Variants in KCND2 observed in about 807,000 individuals in gnomAD.
KCND2 encodes the protein potassium voltage-gated channel subfamily D member 2.
A neutral mutation model predicts 54.4 loss-of-function variants in KCND2; 16 were observed. The ratio of observed to expected loss-of-function variants is 0.29; its 90% CI spans 0.20 to 0.45. The LOEUF (loss-of-function observed/expected upper bound fraction) is 0.45. Among genes scored for constraint, KCND2 ranks in the 20% least tolerant of loss-of-function variants. The pLI is 1.00. For missense variants in KCND2, 486 were observed against 824.2 expected, an observed-to-expected ratio of 0.59 and a Z score of 5.02; for synonymous variants, 317 against 310.7, an observed-to-expected ratio of 1.02 and a Z score of -0.21.
intron 1 of KCND2, among the ~76,000 whole-genome samples, chr7:120,363,579 G>A (rs938157227): frequency 1.3e-5 from 2 of 152,006 alleles, no homozygotes; most frequent in East Asian, 1.9e-4. Context: ...CAGCTATTTT[G>A]ATCTCTCATC....
chr7:120,627,991 G>C (rs943433190), intron 1 of KCND2, among the ~76,000 whole-genome samples: 1 of 152,014 alleles, frequency 6.6e-6, no homozygotes, highest in African/African-American at 2.4e-5. Context: ...ACAATAATTA[G>C]TAATTTTTTA....
At chr7:120,729,455 G>C (rs1307869223) in intron 1 of KCND2, among the ~76,000 whole-genome samples, 1 of 152,208 alleles carries the variant, frequency 6.6e-6, no homozygotes, top group African/African-American at 2.4e-5. Flanking sequence ...GGCAGCTGGT[G>C]TTCCATGGGA....
At chr7:120,669,857 T>C (rs761538738) in intron 1 of KCND2, among the ~76,000 whole-genome samples, 16 of 152,060 alleles carry the variant, frequency 1.1e-4, no homozygotes, top group Non-Finnish European at 1.6e-4. Flanking sequence ...ACACATGTAA[T>C]AGCAAAAACA....
intron 1 of KCND2, among the ~76,000 whole-genome samples, chr7:120,707,238 A>G (rs1236676108): frequency 6.6e-6 from 1 of 152,168 alleles, no homozygotes; most frequent in African/African-American, 2.4e-5. Flanking sequence ...AGAAATCTAG[A>G]TACTTCCAAT....
At position 120,319,886 on chromosome 7, in the gene KCND2, G is replaced by A. The variant is rs910238402; in HGVS notation, c.1115+44139G>A. ...TAATTAGTATCATGCTGCTTTTAAA[G>A]CCATGCAGTTTTTTGTTTTTTGTTC... is the stretch of plus-strand genomic sequence containing the variant. On this transcript the variant is annotated intron_variant, in intron 1 of 5. Transcript: ENST00000331113. Among the ~76,000 whole-genome samples, 3 of 151,870 alleles carry A rather than the reference G, an allele frequency of 2.0e-5. No homozygotes were observed. The South Asian group carries it at 6.2e-4, about 32-fold the overall frequency.
At chr7:120,572,377 A>T (rs991963689) in intron 1 of KCND2, among the ~76,000 whole-genome samples, 1 of 152,184 alleles carries the variant, frequency 6.6e-6, no homozygotes, top group African/African-American at 2.4e-5. Context: ...AACAATGCAG[A>T]GGTGTATGGT....
chr7:120,492,347 A>G (rs895384485), intron 1 of KCND2, among the ~76,000 whole-genome samples: 5 of 151,948 alleles, frequency 3.3e-5, no homozygotes, highest in African/African-American at 4.8e-5. Flanking sequence ...TTCCTACTGA[A>G]CCATTGTCTT....
At chr7:120,361,360 C>T (rs536811326) in intron 1 of KCND2, among the ~76,000 whole-genome samples, 1 of 150,594 alleles carries the variant, frequency 6.6e-6, no homozygotes, top group Admixed American at 6.6e-5. Flanking sequence ...TTGTTTCATT[C>T]TTGGAAATGG....
chr7:120,298,210 AAG>A (rs1264869973), intron 1 of KCND2, among the ~76,000 whole-genome samples: 2 of 152,182 alleles, frequency 1.3e-5, no homozygotes, highest in African/African-American at 4.8e-5. Context: ...CACATCAAAA[AAG>A]AGTCTCTCTA....
At chr7:120,313,683 G>A (rs552350086) in intron 1 of KCND2, among the ~76,000 whole-genome samples, 2 of 151,402 alleles carry the variant, frequency 1.3e-5, no homozygotes, top group African/African-American at 4.8e-5. Context: ...TGTCTCTGCT[G>A]GTAGAATACT....
At chr7:120,638,579 G>A (rs1793334896) in intron 1 of KCND2, among the ~76,000 whole-genome samples, 1 of 151,944 alleles carries the variant, frequency 6.6e-6, no homozygotes, top group Non-Finnish European at 1.5e-5. Context: ...ATAGTGTCTT[G>A]GAAAAAATAT....
chr7:120,588,680 T>C (rs1308627824), intron 1 of KCND2, among the ~76,000 whole-genome samples: 1 of 152,088 alleles, frequency 6.6e-6, no homozygotes, highest in Non-Finnish European at 1.5e-5. Context: ...TGAAGAAAAC[T>C]GTGTTCAGTC....
intron 1 of KCND2, among the ~76,000 whole-genome samples, chr7:120,489,337 A>G (rs1384763539): frequency 6.6e-6 from 1 of 152,064 alleles, no homozygotes; most frequent in African/African-American, 2.4e-5. Flanking sequence ...TGTAATACAT[A>G]TACAATATAC....
intron 1 of KCND2, among the ~76,000 whole-genome samples, chr7:120,402,576 G>A (rs1380102808): frequency 1.3e-5 from 2 of 152,072 alleles, no homozygotes; most frequent in Admixed American, 1.3e-4. Context: ...TTATTGCCAA[G>A]CTAGTTGCTA....
At chr7:120,309,083 A>G (rs1488799514) in intron 1 of KCND2, among the ~76,000 whole-genome samples, 2 of 152,184 alleles carry the variant, frequency 1.3e-5, no homozygotes. Flanking sequence ...GCTTTTTACA[A>G]GGAACACAAA....
Position 120,677,560 on chromosome 7 carries a change from T to G in KCND2, c.1116-55343T>G, listed in dbSNP as rs868596075. On this transcript the variant is annotated intron_variant, in intron 1 of 5. Coordinates refer to ENST00000331113, the MANE Select transcript of KCND2 (RefSeq NM_012281.3). ...AGATATAGATATAGATATATAGATA[T>G]ATAGATATATAGATATATAGATATA... Among the ~76,000 whole-genome samples, 6 of 137,516 alleles carry G rather than the reference T, an allele frequency of 4.4e-5. No homozygotes were observed. In the East Asian group the frequency reaches 1.2e-3, roughly 27 times the overall value. 90.2% of individuals were successfully genotyped at this position (137,516 alleles called of 152,430 possible). A position where few individuals can be genotyped will look rare whatever the true frequency, so the allele number is the denominator to read the frequency against.
chr7:120,562,206 G>T (rs544393476), intron 1 of KCND2, among the ~76,000 whole-genome samples: 3 of 151,988 alleles, frequency 2.0e-5, no homozygotes, highest in Non-Finnish European at 2.9e-5. Context: ...TGAGAAATGG[G>T]GTTCCCTGAA....
chr7:120,703,600 C>T (rs1792429458), intron 1 of KCND2, among the ~76,000 whole-genome samples: 1 of 152,146 alleles, frequency 6.6e-6, no homozygotes, highest in Non-Finnish European at 1.5e-5. Context: ...AGTTATTACA[C>T]AGCACTAGAA....
chr7:120,564,709 G>A (rs58972047), intron 1 of KCND2, among the ~76,000 whole-genome samples: 2,268 of 152,028 alleles, frequency 0.015, 45 homozygotes, highest in African/African-American at 0.052. Flanking sequence ...TTATATAAGC[G>A]TTAAACATCT....
Sources: gnomAD v4.1 joint callset for allele counts (sites outside exome capture counted in the v4.1 genomes callset) on GRCh38, gnomAD v4.1.1 for gene constraint, MANE v1.5 for transcripts, NCBI Gene and HGNC (gene_info 2026-07-23, HGNC 2026-07-21) for gene names.